Variants in INPP4B observed in about 807,000 individuals in gnomAD.
INPP4B encodes inositol polyphosphate 4-phosphatase type II.
A neutral mutation model predicts 122.5 loss-of-function variants in INPP4B; 55 were observed. That is an observed-to-expected ratio of 0.45 (90% confidence interval 0.36 to 0.56). The LOEUF (loss-of-function observed/expected upper bound fraction) is 0.56. Among genes scored for constraint, INPP4B ranks in the 20% least tolerant of loss-of-function variants. INPP4B has a pLI of 0.00. For missense variants in INPP4B, 1,000 were observed against 1,097.7 expected (o/e 0.91, Z 1.26); for synonymous variants, 403 against 388.7 (o/e 1.04, Z -0.43).
intron 2 of INPP4B, among the ~76,000 whole-genome samples, chr4:142,668,585 A>C (rs1162762973): frequency 6.6e-6 from 1 of 152,214 alleles, no homozygotes; most frequent in Non-Finnish European, 1.5e-5. Flanking sequence ...ACTTGTTCTT[A>C]CATATTGAAA....
chr4:142,339,744 C>A (rs912664372), intron 7 of INPP4B, among the ~76,000 whole-genome samples: 2 of 152,154 alleles, frequency 1.3e-5, no homozygotes, highest in African/African-American at 4.8e-5. Context: ...GAACTTCATT[C>A]AGAATTTTTC....
intron 9 of INPP4B, among the ~76,000 whole-genome samples, chr4:142,271,497 T>C (rs1208907937): frequency 2.0e-5 from 3 of 152,178 alleles, no homozygotes; most frequent in African/African-American, 7.2e-5. Context: ...GAAAAGAGTA[T>C]AAATATTCTT....
At chr4:142,040,487 T>C (rs1029593030) in intron 25 of INPP4B, among the ~76,000 whole-genome samples, 5 of 152,148 alleles carry the variant, frequency 3.3e-5, no homozygotes, top group African/African-American at 7.2e-5. Flanking sequence ...AGATTGACTT[T>C]CCACCCACTT....
In INPP4B at chr4:142,250,440, A is replaced by T. The variant is rs1447225658; in HGVS notation, c.688+10052T>A. ...CTCCATTTAAGACATTAATACAAAG[A>T]CTTGAGAAGAATGTCAATAGCTTAC... On this transcript the variant is annotated intron_variant, in intron 11 of 25. Transcript: ENST00000262992. Among the ~76,000 whole-genome samples the T allele has an allele frequency of 2.0e-5, 3 of 152,222 alleles. No homozygotes were observed. The East Asian group carries it at 5.8e-4, about 29-fold the overall frequency.
At chr4:142,628,001 A>T (rs1746908049) in intron 2 of INPP4B, among the ~76,000 whole-genome samples, 1 of 152,060 alleles carries the variant, frequency 6.6e-6, no homozygotes, top group Non-Finnish European at 1.5e-5. Flanking sequence ...GTGTCGAGGA[A>T]TTTATCCATT....
At chr4:142,416,747 CAT>C (rs1225257024) in intron 5 of INPP4B, among the ~76,000 whole-genome samples, 6 of 152,100 alleles carry the variant, frequency 3.9e-5, no homozygotes, top group South Asian at 2.1e-4. Flanking sequence ...AGTCATCAAT[CAT>C]GTGTGATTCT....
Position 142,803,649 on chromosome 4 carries a change from T to A in INPP4B, c.-254+42560A>T, listed in dbSNP as rs1414286671. On this transcript the variant is annotated intron_variant, in intron 1 of 25. Transcript: ENST00000262992. ...CTTCCCAGGGGAATTCAATAAAACTTAAAAAAAAAAAACAAAAACAAAGAA... is the reference window on the plus strand; with the variant it reads ...CTTCCCAGGGGAATTCAATAAAACTAAAAAAAAAAAAACAAAAACAAAGAA... 3.6e-5 allele frequency among the ~76,000 whole-genome samples: 5 copies of A among 138,978 alleles called. No homozygotes were observed. In the South Asian group the frequency reaches 6.9e-4, roughly 19 times the overall value. 91.2% of individuals were successfully genotyped at this position (138,978 alleles called of 152,430 possible).
At chr4:142,582,329 A>T (rs976291352) in intron 2 of INPP4B, among the ~76,000 whole-genome samples, 5 of 152,150 alleles carry the variant, frequency 3.3e-5, no homozygotes, top group African/African-American at 1.2e-4. Context: ...CTGTCAAGTG[A>T]AGCCACAAAA....
chr4:142,463,111 ACT>A (rs1243531526), intron 2 of INPP4B, among the ~76,000 whole-genome samples: 3 of 152,176 alleles, frequency 2.0e-5, no homozygotes, highest in African/African-American at 7.2e-5. Flanking sequence ...AAGAAAGGTG[ACT>A]CTTCAAGTCT....
intron 2 of INPP4B, among the ~76,000 whole-genome samples, chr4:142,608,875 C>G (rs190056007): frequency 2.0e-5 from 3 of 152,282 alleles, no homozygotes; most frequent in East Asian, 1.9e-4. Flanking sequence ...CTGTTCCCAT[C>G]ATGCTTCCTC....
chr4:142,818,694 A>G (rs1780435807), intron 1 of INPP4B, among the ~76,000 whole-genome samples: 1 of 152,070 alleles, frequency 6.6e-6, no homozygotes, highest in Admixed American at 6.6e-5. Flanking sequence ...TACGCTTTCA[A>G]GTGCTGTGCC....
intron 2 of INPP4B, among the ~76,000 whole-genome samples, chr4:142,475,295 C>CA (rs1190728388): frequency 2.6e-5 from 4 of 151,410 alleles, no homozygotes; most frequent in African/African-American, 7.3e-5. Context: ...AAAAAACCCC[C>CA]AAAAAACAAA....
chr4:142,720,523 TC>T lies in INPP4B; in HGVS notation c.-191+5315del, dbSNP rs199878747. Among the ~76,000 whole-genome samples the T allele has an allele frequency of 2.5e-3, 378 of 151,938 alleles. 5 individuals carry two copies. Among genetic ancestry groups the T allele is most frequent in the East Asian group, 0.019 (96 of 5,140 alleles). ...CTTTGCACATAACCTATGCACATCC[TC>T]CCAGACACTTTATATCATCTCTAGA... On this transcript the variant is annotated intron_variant, in intron 2 of 25. Transcript: ENST00000262992.
intron 25 of INPP4B, among the ~76,000 whole-genome samples, chr4:142,038,370 G>A (rs887368584): frequency 6.6e-6 from 1 of 152,060 alleles, no homozygotes. Flanking sequence ...GTTAATCACA[G>A]GAAAAGCCCC....
At chr4:142,328,186 G>A (rs1285435736) in intron 7 of INPP4B, among the ~76,000 whole-genome samples, 6 of 152,086 alleles carry the variant, frequency 3.9e-5, no homozygotes, top group Non-Finnish European at 5.9e-5. Flanking sequence ...CTCTTCTGAC[G>A]AAGAAAATAA....
chr4:142,667,382 T>C (rs903338086), intron 2 of INPP4B, among the ~76,000 whole-genome samples: 1 of 152,210 alleles, frequency 6.6e-6, no homozygotes, highest in Admixed American at 6.5e-5. Context: ...TAGCAGAATA[T>C]GGCTCCATAA....
intron 11 of INPP4B, among the ~76,000 whole-genome samples, chr4:142,250,227 G>T (rs1236068631): frequency 6.6e-6 from 1 of 152,098 alleles, no homozygotes; most frequent in Non-Finnish European, 1.5e-5. Flanking sequence ...CATTCAACTT[G>T]CAAGGGCATG....
At chr4:142,670,851 G>C (rs1232767338) in intron 2 of INPP4B, among the ~76,000 whole-genome samples, 1 of 152,076 alleles carries the variant, frequency 6.6e-6, no homozygotes, top group Non-Finnish European at 1.5e-5. Flanking sequence ...ATGTTAATTA[G>C]TTAGAATCAG....
Position 142,390,743 on chromosome 4 carries a change from T to A in INPP4B, c.372+12195A>T, listed in dbSNP as rs367755225. Among the ~76,000 whole-genome samples, 9 of 152,356 alleles carry A rather than the reference T, an allele frequency of 5.9e-5. No individual in the cohort carries two copies. In the East Asian group the frequency reaches 1.5e-3, roughly 26 times the overall value. ...TATATGGTATCATAATTATAGTTAC[T>A]ATGTTAAGTTATTGTAGACCACAGA... On this transcript the variant is annotated intron_variant, in intron 7 of 25. Coordinates refer to ENST00000262992, the MANE Select transcript of INPP4B (RefSeq NM_001101669.3).
Sources: gnomAD v4.1 joint callset for allele counts (sites outside exome capture counted in the v4.1 genomes callset) on GRCh38, gnomAD v4.1.1 for gene constraint, MANE v1.5 for transcripts, NCBI Gene and HGNC (gene_info 2026-07-23, HGNC 2026-07-21) for gene names.